Variants in SH3BGRL2 observed in about 807,000 individuals in gnomAD.
SH3BGRL2 encodes SH3 domain binding glutamate rich protein like 2.
SH3BGRL2 carries 21 observed loss-of-function variants against 14.8 expected under a neutral mutation model. The ratio of observed to expected loss-of-function variants is 1.42; its 90% CI spans 1.01 to 2.05. The LOEUF (loss-of-function observed/expected upper bound fraction) is 2.05, where lower values mean the gene tolerates loss of function less well. SH3BGRL2 is among the 30% of genes most tolerant of loss of function. The pLI is 0.00. For missense variants in SH3BGRL2, 147 were observed against 130.8 expected (o/e 1.12, Z -0.61); for synonymous variants, 50 against 47.8 (o/e 1.05, Z -0.19).
At chr6:79,671,719 T>A (rs1216106221) in intron 1 of SH3BGRL2, among the ~76,000 whole-genome samples, 2 of 152,214 alleles carry the variant, frequency 1.3e-5, no homozygotes, top group Non-Finnish European at 2.9e-5. Flanking sequence ...GCCTCTCTGT[T>A]ACCTGGGCCC....
chr6:79,696,588 T>A, intron 3 of SH3BGRL2, 23 bp downstream of exon 3: 1 of 1,507,818 alleles, frequency 6.6e-7, no homozygotes, highest in Non-Finnish European at 8.9e-7. Context: ...TTTCTTATTC[T>A]TGTTTTAGAA....
At chr6:79,643,657 G>A (rs566326617) in intron 1 of SH3BGRL2, among the ~76,000 whole-genome samples, 6 of 152,196 alleles carry the variant, frequency 3.9e-5, no homozygotes, top group Non-Finnish European at 8.8e-5. Context: ...ACTTGGTATA[G>A]TAGCTATTCA....
the SH3BGRL2 span, among the ~76,000 whole-genome samples, chr6:79,609,756 G>T: frequency 6.6e-6 from 1 of 152,118 alleles, no homozygotes; most frequent in Admixed American, 6.5e-5. Context: ...AATCAGTCCT[G>T]TCTCAGCCTG....
chr6:79,544,585 C>T, the SH3BGRL2 span, among the ~76,000 whole-genome samples: 1 of 152,140 alleles, frequency 6.6e-6, no homozygotes, highest in African/African-American at 2.4e-5. Context: ...ACCAGCACAC[C>T]TCCAAATCCA....
chr6:79,618,914 C>CA, the SH3BGRL2 span, among the ~76,000 whole-genome samples: 667 of 76,282 alleles, frequency 8.7e-3, 68 homozygotes, highest in African/African-American at 0.028. Flanking sequence ...GAGACTCTGT[C>CA]AAAAAAAAAA....
chr6:79,563,436 A>G, the SH3BGRL2 span, among the ~76,000 whole-genome samples: 2 of 151,950 alleles, frequency 1.3e-5, no homozygotes, highest in African/African-American at 2.4e-5. Flanking sequence ...TTAAGTCCCT[A>G]CCATCCATCC....
chr6:79,573,218 A>G, the SH3BGRL2 span, among the ~76,000 whole-genome samples: 1 of 151,796 alleles, frequency 6.6e-6, no homozygotes, highest in Non-Finnish European at 1.5e-5. Flanking sequence ...CTGTATAGAT[A>G]CCCATCATCT....
the SH3BGRL2 span, among the ~76,000 whole-genome samples, chr6:79,569,133 C>T: frequency 6.6e-6 from 1 of 152,166 alleles, no homozygotes; most frequent in African/African-American, 2.4e-5. Flanking sequence ...TACATTGGTT[C>T]TGTCCAGAAA....
At chr6:79,548,460 T>C in the SH3BGRL2 span, among the ~76,000 whole-genome samples, 1 of 152,182 alleles carries the variant, frequency 6.6e-6, no homozygotes, top group Admixed American at 6.5e-5. Flanking sequence ...GAGGTATTGC[T>C]CAGCCAGCGG....
At chr6:79,686,261 T>C (rs1582737687) in intron 2 of SH3BGRL2, among the ~76,000 whole-genome samples, 2 of 152,334 alleles carry the variant, frequency 1.3e-5, no homozygotes, top group South Asian at 4.1e-4. Context: ...CTGCTCAATC[T>C]GAAAACTAGT....
the SH3BGRL2 span, among the ~76,000 whole-genome samples, chr6:79,556,843 T>C: frequency 6.6e-6 from 1 of 151,856 alleles, no homozygotes; most frequent in Non-Finnish European, 1.5e-5. Flanking sequence ...ATATGACATC[T>C]TTTAAAAAGA....
At chr6:79,684,081 A>C (rs1227765082) in intron 2 of SH3BGRL2, among the ~76,000 whole-genome samples, 1 of 152,194 alleles carries the variant, frequency 6.6e-6, no homozygotes, top group African/African-American at 2.4e-5. Flanking sequence ...ATTGTGCTCT[A>C]TTTCGAAGAT....
At chr6:79,550,276 A>G in the SH3BGRL2 span, among the ~76,000 whole-genome samples, 1 of 152,034 alleles carries the variant, frequency 6.6e-6, no homozygotes, top group Admixed American at 6.5e-5. Flanking sequence ...GCTACTGGTA[A>G]CAGGAAAAGG....
chr6:79,545,018 C>A, the SH3BGRL2 span, among the ~76,000 whole-genome samples: 3 of 152,162 alleles, frequency 2.0e-5, no homozygotes, highest in Non-Finnish European at 4.4e-5. Context: ...TGCAGTGTCT[C>A]GGTCTCCCTC....
chr6:79,631,538 G>A, intron 1 of SH3BGRL2, 32 bp downstream of exon 1: 1 of 1,405,394 alleles, frequency 7.1e-7, no homozygotes, highest in East Asian at 2.8e-5. Flanking sequence ...AGTAGGTTGG[G>A]GTCGCGGGGC....
intron 1 of SH3BGRL2, among the ~76,000 whole-genome samples, chr6:79,642,202 A>G (rs1013216506): frequency 6.6e-6 from 1 of 152,234 alleles, no homozygotes; most frequent in Non-Finnish European, 1.5e-5. Flanking sequence ...CTGAACATGT[A>G]CAGACTTTTT....
At chr6:79,640,604 G>A (rs1016434250) in intron 1 of SH3BGRL2, among the ~76,000 whole-genome samples, 1 of 151,944 alleles carries the variant, frequency 6.6e-6, no homozygotes, top group African/African-American at 2.4e-5. Flanking sequence ...AGCTGGTTGA[G>A]TATTTGGCAG....
intron 1 of SH3BGRL2, among the ~76,000 whole-genome samples, chr6:79,639,583 T>A (rs1768991987): frequency 6.6e-6 from 1 of 152,110 alleles, no homozygotes; most frequent in African/African-American, 2.4e-5. Context: ...AAGTGAGACC[T>A]TGTCTCAGAC....
At chr6:79,601,452 T>A in the SH3BGRL2 span, among the ~76,000 whole-genome samples, 889 of 152,312 alleles carry the variant, frequency 5.8e-3, 8 homozygotes, top group African/African-American at 0.02. Context: ...TGCCTTAGCC[T>A]CCCAAAGTGC....
Sources: allele counts gnomAD v4.1 joint callset (sites outside exome capture counted in the v4.1 genomes callset), GRCh38; gene constraint gnomAD v4.1.1; transcripts MANE v1.5; gene names NCBI Gene and HGNC (gene_info 2026-07-23, HGNC 2026-07-21).